Variants in DCC observed in about 807,000 individuals in gnomAD.
DCC encodes DCC netrin 1 receptor.
In DCC, 58 loss-of-function variants were observed where a neutral mutation model predicts 172.5. The ratio of observed to expected loss-of-function variants is 0.34; its 90% CI spans 0.27 to 0.42. The LOEUF (loss-of-function observed/expected upper bound fraction) is 0.42, where lower values mean the gene tolerates loss of function less well. DCC is among the 10% of genes least tolerant of loss of function. The pLI is 1.00. For synonymous variants in DCC, 709 were observed against 644.5 expected, an observed-to-expected ratio of 1.10 and a Z score of -1.52; for missense variants, 1,740 against 1,791.0, an observed-to-expected ratio of 0.97 and a Z score of 0.51.
chr18:53,105,246 A>C (rs940686704), intron 7 of DCC, among the ~76,000 whole-genome samples: 1 of 152,008 alleles, frequency 6.6e-6, no homozygotes, highest in East Asian at 1.9e-4. Flanking sequence ...AGATTTCCTT[A>C]ATAAAGAAAG....
At chr18:52,525,941 C>T (rs1174670239) in intron 1 of DCC, among the ~76,000 whole-genome samples, 1 of 152,186 alleles carries the variant, frequency 6.6e-6, no homozygotes, top group Non-Finnish European at 1.5e-5. Flanking sequence ...TCTGCTCAAC[C>T]TAACACCCTA....
chr18:52,410,330 G>A (rs1189100080), intron 1 of DCC, among the ~76,000 whole-genome samples: 1 of 152,090 alleles, frequency 6.6e-6, no homozygotes, highest in East Asian at 1.9e-4. Flanking sequence ...TACTTTGGAG[G>A]CGGAGGCAAC....
chr18:52,899,247 T>A (rs2039775428), intron 2 of DCC, among the ~76,000 whole-genome samples: 1 of 151,898 alleles, frequency 6.6e-6, no homozygotes. Flanking sequence ...ACTCCTGGGC[T>A]CAAGTGATCC....
chr18:53,526,835 G>A (rs1381320035), intron 28 of DCC, 76 bp downstream of exon 28: 4 of 1,375,184 alleles, frequency 2.9e-6, no homozygotes, highest in Non-Finnish European at 1.0e-6. Flanking sequence ...CTAAACCAAT[G>A]AGTACTGTCC....
At chr18:53,232,822 T>A (rs181751612) in intron 12 of DCC, among the ~76,000 whole-genome samples, 3 of 152,242 alleles carry the variant, frequency 2.0e-5, no homozygotes, top group African/African-American at 7.2e-5. Flanking sequence ...AACCTTAAAC[T>A]TCAAAACCAT....
At chr18:53,137,629 G>A (rs1033463073) in intron 7 of DCC, among the ~76,000 whole-genome samples, 1 of 152,140 alleles carries the variant, frequency 6.6e-6, no homozygotes, top group Admixed American at 6.6e-5. Flanking sequence ...GTACCCAGTG[G>A]AAGTACAGTC....
At chr18:52,364,080 G>A (rs1324172185) in intron 1 of DCC, among the ~76,000 whole-genome samples, 2 of 152,144 alleles carry the variant, frequency 1.3e-5, no homozygotes, top group East Asian at 1.9e-4. Context: ...AGTGAAAACC[G>A]CAGCTCCAAA....
chr18:53,171,076 G>C (rs912501410), intron 8 of DCC, among the ~76,000 whole-genome samples: 1 of 151,990 alleles, frequency 6.6e-6, no homozygotes, highest in Admixed American at 6.6e-5. Context: ...CTAGAGAGAG[G>C]GTTTCACCAG....
intron 5 of DCC, among the ~76,000 whole-genome samples, chr18:53,055,510 A>G (rs1316870302): frequency 6.6e-6 from 1 of 152,150 alleles, no homozygotes; most frequent in Non-Finnish European, 1.5e-5. Flanking sequence ...TTTTTCTAGT[A>G]CAGTAGAAGG....
At chr18:52,419,476 C>T (rs1222947) in intron 1 of DCC, 36,969 of 152,012 alleles carry the variant, frequency 0.24, 4,622 homozygotes, top group African/African-American at 0.29. Context: ...TTAGAGAGTA[C>T]GACCAAGGAA....
chr18:53,492,144 CT>C (rs1356618939), intron 26 of DCC, among the ~76,000 whole-genome samples: 1 of 151,482 alleles, frequency 6.6e-6, no homozygotes, highest in African/African-American at 2.4e-5. Context: ...CCTTTGCCCA[CT>C]TTTTGATGGG....
chr18:53,195,935 A>C (rs952593388), intron 9 of DCC, among the ~76,000 whole-genome samples: 1 of 152,158 alleles, frequency 6.6e-6, no homozygotes, highest in Non-Finnish European at 1.5e-5. Flanking sequence ...GTTCCTTGAA[A>C]ATTTCTAATA....
chr18:53,415,592 C>G (rs10502976), intron 20 of DCC, among the ~76,000 whole-genome samples: 3 of 151,748 alleles, frequency 2.0e-5, no homozygotes, highest in African/African-American at 7.3e-5. Context: ...CTTGTAAGTC[C>G]TCTGAAGTTG....
chr18:52,558,553 A>G (rs1598912317), intron 1 of DCC, among the ~76,000 whole-genome samples: 1 of 152,202 alleles, frequency 6.6e-6, no homozygotes. Flanking sequence ...ATGTTCCTCT[A>G]TTTTGCCGTG....
intron 21 of DCC, among the ~76,000 whole-genome samples, chr18:53,428,170 A>C (rs1487421199): frequency 2.7e-5 from 1 of 37,352 alleles, no homozygotes; most frequent in Non-Finnish European, 7.0e-5. Context: ...AATAATATAT[A>C]ATATGTAATA....
At chr18:52,515,384 G>A (rs1240234606) in intron 1 of DCC, among the ~76,000 whole-genome samples, 2 of 151,730 alleles carry the variant, frequency 1.3e-5, no homozygotes, top group African/African-American at 4.8e-5. Flanking sequence ...CAGGCGGGTG[G>A]ATCACAAGGT....
chr18:52,935,566 C>T (rs765064443), intron 5 of DCC, among the ~76,000 whole-genome samples: 1 of 151,886 alleles, frequency 6.6e-6, no homozygotes, highest in South Asian at 2.1e-4. Context: ...TTATTTTTTG[C>T]ATAGGCTTTA....
intron 7 of DCC, among the ~76,000 whole-genome samples, chr18:53,074,124 C>A (rs1383236185): frequency 6.6e-6 from 1 of 152,096 alleles, no homozygotes; most frequent in Non-Finnish European, 1.5e-5. Flanking sequence ...ATATTAACTA[C>A]TGGTGGAGAA....
Position 52,899,142 on chromosome 18 carries a change from C to T in DCC, c.413-6902C>T, listed in dbSNP as rs567115525. Among the ~76,000 whole-genome samples the T allele has an allele frequency of 5.3e-5, 8 of 152,066 alleles. No homozygotes were observed. The South Asian group carries it at 1.5e-3, about 28-fold the overall frequency. On this transcript the variant is annotated intron_variant, in intron 2 of 28. Transcript: ENST00000442544. ...AAAAAATCACTGCTTTTCCCTTCTC[C>T]TATTTTATTATTTATTTATTTTTTA...
Sources: allele counts gnomAD v4.1 joint callset (sites outside exome capture counted in the v4.1 genomes callset), GRCh38; gene constraint gnomAD v4.1.1; transcripts MANE v1.5; gene names NCBI Gene and HGNC (gene_info 2026-07-23, HGNC 2026-07-21).